The following ATF6 variants were observed in gnomAD, a reference collection of about 807,000 sequenced individuals.
The protein encoded by ATF6 is activating transcription factor 6.
In ATF6, 53 loss-of-function variants were observed where a neutral mutation model predicts 83.6. The ratio of observed to expected loss-of-function variants is 0.63; its 90% CI spans 0.51 to 0.80. The LOEUF (loss-of-function observed/expected upper bound fraction) is 0.80, where lower values mean the gene tolerates loss of function less well. Among genes scored for constraint, ATF6 ranks in the 30% least tolerant of loss-of-function variants. ATF6 has a pLI of 0.00. For synonymous variants in ATF6, 288 were observed against 285.8 expected (o/e 1.01, Z -0.08); for missense variants, 744 against 797.9 (o/e 0.93, Z 0.81).
At chr1:161,876,949 T>C (rs977956036) in intron 14 of ATF6, among the ~76,000 whole-genome samples, 5 of 151,998 alleles carry the variant, frequency 3.3e-5, no homozygotes, top group African/African-American at 4.8e-5. Flanking sequence ...TTTAAGAAGC[T>C]GTAGATAGAT....
intron 6 of ATF6, among the ~76,000 whole-genome samples, chr1:161,796,142 G>T (rs1009763088): frequency 6.6e-6 from 1 of 152,176 alleles, no homozygotes; most frequent in Non-Finnish European, 1.5e-5. Context: ...ACAATTGGTA[G>T]TACAGATTTG....
intron 1 of ATF6, among the ~76,000 whole-genome samples, chr1:161,777,577 A>G (rs1684544472): frequency 6.6e-6 from 1 of 152,248 alleles, no homozygotes. Flanking sequence ...CATAGATTCT[A>G]TGGTGAGGAG....
chr1:161,947,661 T>A (rs1489867757), intron 15 of ATF6, among the ~76,000 whole-genome samples: 1 of 152,182 alleles, frequency 6.6e-6, no homozygotes, highest in African/African-American at 2.4e-5. Flanking sequence ...GCATTTGTTA[T>A]CAGAGTCATA....
intron 9 of ATF6, among the ~76,000 whole-genome samples, chr1:161,825,181 T>TC (rs1404367866): frequency 1.3e-5 from 2 of 152,120 alleles, no homozygotes; most frequent in African/African-American, 2.4e-5. Flanking sequence ...GCTTAAGCAA[T>TC]CCCCCGATCC....
At chr1:161,850,734 A>G (rs1686599322) in intron 10 of ATF6, among the ~76,000 whole-genome samples, 1 of 152,146 alleles carries the variant, frequency 6.6e-6, no homozygotes, top group African/African-American at 2.4e-5. Context: ...GTTCAGTTTT[A>G]TATGTTTACA....
intron 9 of ATF6, among the ~76,000 whole-genome samples, chr1:161,834,924 A>G (rs1369301075): frequency 6.6e-6 from 1 of 152,244 alleles, no homozygotes; most frequent in South Asian, 2.1e-4. Context: ...TTATGCCACC[A>G]TAACTAAGGA....
intron 6 of ATF6, among the ~76,000 whole-genome samples, chr1:161,798,838 A>G (rs1469989398): frequency 6.6e-6 from 1 of 152,242 alleles, no homozygotes; most frequent in East Asian, 1.9e-4. Context: ...CAATAAGCAT[A>G]TGAAAAAATG....
At chr1:161,879,156 T>TA (rs1687277060) in intron 14 of ATF6, among the ~76,000 whole-genome samples, 1 of 152,026 alleles carries the variant, frequency 6.6e-6, no homozygotes, top group Non-Finnish European at 1.5e-5. Context: ...TCCAGGAAGA[T>TA]AAAGAGAAGA....
intron 15 of ATF6, among the ~76,000 whole-genome samples, chr1:161,943,591 A>G: frequency 6.6e-6 from 1 of 151,852 alleles, no homozygotes; most frequent in Non-Finnish European, 1.5e-5. Context: ...TCACCTTACT[A>G]TTCCTCAGAT....
intron 15 of ATF6, among the ~76,000 whole-genome samples, chr1:161,919,456 T>G (rs1224534669): frequency 6.6e-6 from 1 of 152,208 alleles, no homozygotes; most frequent in Non-Finnish European, 1.5e-5. Flanking sequence ...TCTTTCACTC[T>G]TGGTAAATAA....
At chr1:161,809,115 T>C (rs1172932245) in intron 7 of ATF6, among the ~76,000 whole-genome samples, 1 of 152,230 alleles carries the variant, frequency 6.6e-6, no homozygotes, top group Non-Finnish European at 1.5e-5. Flanking sequence ...TACATATGTA[T>C]ATATGTGCCA....
At chr1:161,813,087 G>A (rs558648809) in intron 7 of ATF6, among the ~76,000 whole-genome samples, 2 of 150,872 alleles carry the variant, frequency 1.3e-5, no homozygotes, top group Admixed American at 1.3e-4. Context: ...AACTTTATGG[G>A]AAAAGAAAAA....
chr1:161,796,598 A>G (rs1571138899), intron 6 of ATF6, among the ~76,000 whole-genome samples: 1 of 152,338 alleles, frequency 6.6e-6, no homozygotes, highest in East Asian at 1.9e-4. Flanking sequence ...TTATAGCTAT[A>G]CTTCTGACTA....
chr1:161,779,153 T>TTAATA (rs1210671793), intron 2 of ATF6, among the ~76,000 whole-genome samples: 4 of 152,218 alleles, frequency 2.6e-5, no homozygotes, highest in Non-Finnish European at 5.9e-5. Flanking sequence ...TTTAATGGTT[T>TTAATA]CATTTACTCC....
intron 1 of ATF6, among the ~76,000 whole-genome samples, chr1:161,774,352 A>G (rs10917892): frequency 0.23 from 34,870 of 151,850 alleles, 5,186 homozygotes; most frequent in South Asian, 0.35. Context: ...AGCAATCCCC[A>G]TGAGTTACAA....
At chr1:161,922,322 A>G (rs1688228232) in intron 15 of ATF6, among the ~76,000 whole-genome samples, 2 of 152,150 alleles carry the variant, frequency 1.3e-5, no homozygotes, top group Non-Finnish European at 2.9e-5. Flanking sequence ...AGTTCTAACC[A>G]AACTGTTCTA....
intron 14 of ATF6, among the ~76,000 whole-genome samples, chr1:161,882,929 A>G (rs557028241): frequency 2.2e-4 from 34 of 152,072 alleles, no homozygotes; most frequent in African/African-American, 7.5e-4. Flanking sequence ...CAGGGGATTG[A>G]CCTTGGAAGC....
At chr1:161,895,884 C>T (rs1687665357) in intron 14 of ATF6, among the ~76,000 whole-genome samples, 1 of 152,190 alleles carries the variant, frequency 6.6e-6, no homozygotes, top group African/African-American at 2.4e-5. Flanking sequence ...CTTCCTCTGT[C>T]AGCACTTAAA....
At chr1:161,851,613 A>T in intron 10 of ATF6, 109 bp from the exon 11 acceptor site, 1 of 661,734 alleles carries the variant, frequency 1.5e-6, no homozygotes, top group Non-Finnish European at 2.7e-6. Context: ...TATTCTGTTT[A>T]CTATATTTTT....
Sources: allele counts gnomAD v4.1 joint callset (sites outside exome capture counted in the v4.1 genomes callset), GRCh38; gene constraint gnomAD v4.1.1; transcripts MANE v1.5; gene names NCBI Gene and HGNC (gene_info 2026-07-23, HGNC 2026-07-21).